Variants in RAB3C observed in about 807,000 individuals in gnomAD.
RAB3C encodes the protein RAB3C, member RAS oncogene family.
A neutral mutation model predicts 26.4 loss-of-function variants in RAB3C; 17 were observed. That is an observed-to-expected ratio of 0.64 (90% CI 0.44 to 0.97). The LOEUF (loss-of-function observed/expected upper bound fraction) is 0.97, where lower values mean the gene tolerates loss of function less well. Ranked by LOEUF, RAB3C falls within the 50% of genes least tolerant of loss-of-function variation. The pLI, the probability that RAB3C is intolerant of heterozygous loss-of-function variation, is 0.00. For synonymous variants in RAB3C, 91 were observed against 95.9 expected, an observed-to-expected ratio of 0.95 and a Z score of 0.30; for missense variants, 242 against 281.9, an observed-to-expected ratio of 0.86 and a Z score of 1.01.
intron 3 of RAB3C, among the ~76,000 whole-genome samples, chr5:58,799,398 G>T (rs1479396526): frequency 6.6e-6 from 1 of 151,832 alleles, no homozygotes; most frequent in Non-Finnish European, 1.5e-5. Flanking sequence ...AGTATTATTG[G>T]TCCTACTTTT....
intron 3 of RAB3C, among the ~76,000 whole-genome samples, chr5:58,824,643 C>T (rs145850936): frequency 1.6e-4 from 24 of 152,278 alleles, no homozygotes; most frequent in African/African-American, 5.8e-4. Context: ...CTCAGTTTGC[C>T]TGAAACGGAG....
chr5:58,777,799 A>C (rs1313882994), intron 3 of RAB3C, among the ~76,000 whole-genome samples: 2 of 148,494 alleles, frequency 1.3e-5, no homozygotes, highest in Non-Finnish European at 3.0e-5. Context: ...CCTGTGTCCA[A>C]GGTTCTCATT....
chr5:58,736,753 G>GGTCAC (rs1741145481), intron 3 of RAB3C, among the ~76,000 whole-genome samples: 1 of 152,116 alleles, frequency 6.6e-6, no homozygotes, highest in South Asian at 2.1e-4. Context: ...TTCCAAATAA[G>GGTCAC]GTCACGTTCA....
At chr5:58,798,078 T>G (rs537102360) in intron 3 of RAB3C, among the ~76,000 whole-genome samples, 1 of 124,244 alleles carries the variant, frequency 8.0e-6, no homozygotes, top group Admixed American at 8.5e-5. Context: ...GAGTAATCAT[T>G]CAGAACATAC....
intron 2 of RAB3C, among the ~76,000 whole-genome samples, chr5:58,621,488 G>A (rs1276655084): frequency 7.2e-5 from 11 of 152,156 alleles, no homozygotes. Context: ...GACAAAAATT[G>A]TAATAAATCT....
intron 2 of RAB3C, among the ~76,000 whole-genome samples, chr5:58,640,381 G>A (rs543934236): frequency 2.0e-5 from 3 of 152,198 alleles, no homozygotes; most frequent in South Asian, 4.1e-4. Flanking sequence ...CAAACCTTAC[G>A]CGTTTAAAAT....
intron 2 of RAB3C, among the ~76,000 whole-genome samples, chr5:58,688,067 A>G (rs1182809230): frequency 6.6e-6 from 1 of 152,162 alleles, no homozygotes; most frequent in East Asian, 1.9e-4. Flanking sequence ...TTGTTTCTAT[A>G]TAATACCAAA....
At chr5:58,708,110 C>A (rs1333673995) in intron 2 of RAB3C, among the ~76,000 whole-genome samples, 1 of 151,956 alleles carries the variant, frequency 6.6e-6, no homozygotes, top group Non-Finnish European at 1.5e-5. Flanking sequence ...CCCACCTTAG[C>A]CTCCCAAGTT....
intron 2 of RAB3C, among the ~76,000 whole-genome samples, chr5:58,725,304 G>T (rs1445412346): frequency 1.3e-5 from 2 of 151,734 alleles, no homozygotes; most frequent in South Asian, 2.1e-4. Context: ...CAGACAAATT[G>T]GAGCTCCTTT....
chr5:58,664,348 C>T (rs1268158291), intron 2 of RAB3C, among the ~76,000 whole-genome samples: 2 of 152,078 alleles, frequency 1.3e-5, no homozygotes, highest in Admixed American at 1.3e-4. Context: ...GGGAATTATG[C>T]TGAGTGAAAA....
chr5:58,641,017 G>T lies in RAB3C; in HGVS notation c.252+23147G>T, dbSNP rs186415286. On this transcript the variant is annotated intron_variant, in intron 2 of 4. Coordinates refer to ENST00000282878, the MANE Select transcript of RAB3C (RefSeq NM_138453.4). ...TTATCCCATCAAACCAACCATCCTG[G>T]AGCCATGTTCATAAATGAACTGCTT... Among the ~76,000 whole-genome samples the T allele has an allele frequency of 5.3e-5, 8 of 152,216 alleles. No individual in the cohort carries two copies. In the East Asian group the frequency reaches 1.5e-3, roughly 29 times the overall value.
intron 2 of RAB3C, among the ~76,000 whole-genome samples, chr5:58,620,101 T>C (rs994186640): frequency 5.9e-5 from 9 of 152,122 alleles, no homozygotes; most frequent in Admixed American, 2.6e-4. Flanking sequence ...ACCCTTTAAG[T>C]CTATAGACAG....
chr5:58,718,356 C>T (rs553699276), intron 2 of RAB3C, among the ~76,000 whole-genome samples: 66 of 152,140 alleles, frequency 4.3e-4, no homozygotes, highest in African/African-American at 1.5e-3. Flanking sequence ...TTACTGAAAA[C>T]CATCTCCAAC....
chr5:58,797,351 AAAATATGTATATATAT>A (rs1367579884), intron 3 of RAB3C, among the ~76,000 whole-genome samples: 3,680 of 21,566 alleles, frequency 0.17, 180 homozygotes, highest in Non-Finnish European at 0.23. Context: ...AAAAAAAAAA[AAAATATGTATATATAT>A]AATATATATA....
chr5:58,808,589 C>A (rs772842993), intron 3 of RAB3C, among the ~76,000 whole-genome samples: 1 of 152,070 alleles, frequency 6.6e-6, no homozygotes, highest in Non-Finnish European at 1.5e-5. Context: ...TTTCCAATTT[C>A]TTTGACTTAT....
intron 3 of RAB3C, among the ~76,000 whole-genome samples, chr5:58,820,938 G>C (rs1208240870): frequency 6.6e-6 from 1 of 152,184 alleles, no homozygotes; most frequent in African/African-American, 2.4e-5. Context: ...ACTCGGATGT[G>C]TTTAGTGGTA....
intron 2 of RAB3C, among the ~76,000 whole-genome samples, chr5:58,621,172 A>G (rs1242796812): frequency 6.6e-6 from 1 of 152,212 alleles, no homozygotes; most frequent in African/African-American, 2.4e-5. Context: ...TTAGCCTATT[A>G]TATATTTCAA....
intron 2 of RAB3C, among the ~76,000 whole-genome samples, chr5:58,724,544 T>C (rs1050237098): frequency 3.3e-5 from 5 of 151,856 alleles, no homozygotes; most frequent in Admixed American, 2.0e-4. Context: ...GGAGCTAATA[T>C]ACTCCTCTGA....
chr5:58,829,071 T>G (rs1226126074), intron 4 of RAB3C, among the ~76,000 whole-genome samples: 2 of 151,786 alleles, frequency 1.3e-5, no homozygotes, highest in African/African-American at 4.8e-5. Context: ...GCCCGGCTAC[T>G]TTTTTGTATT....
Sources: allele counts gnomAD v4.1 joint callset (sites outside exome capture counted in the v4.1 genomes callset), GRCh38; gene constraint gnomAD v4.1.1; transcripts MANE v1.5; gene names NCBI Gene and HGNC (gene_info 2026-07-23, HGNC 2026-07-21).